The following RHPN2 variants were observed in gnomAD, a reference collection of about 807,000 sequenced individuals.
The protein encoded by RHPN2 is rhophilin-2.
RHPN2 carries 40 observed loss-of-function variants against 79.0 expected under a neutral mutation model. The observed-to-expected ratio is 0.51, with a 90% confidence interval of 0.39 to 0.66. RHPN2 has a LOEUF of 0.66. RHPN2 is among the 30% of genes least tolerant of loss of function. The probability of loss-of-function intolerance (pLI) is 0.00; values close to 1 mark genes in which losing one functional copy is unlikely to be tolerated. For synonymous variants in RHPN2, 285 were observed against 363.5 expected (o/e 0.78, Z 2.46); for missense variants, 686 against 883.5 (o/e 0.78, Z 2.83).
chr19:33,012,878 T>G (rs754183466), intron 4 of RHPN2, among the ~76,000 whole-genome samples, 154 bp from the exon 5 acceptor site: 33 of 152,124 alleles, frequency 2.2e-4, no homozygotes, highest in Non-Finnish European at 4.6e-4. Flanking sequence ...TTTTCTTAAT[T>G]TATGTAGTTT....
At chr19:33,031,286 G>A (rs1356953329) in intron 2 of RHPN2, among the ~76,000 whole-genome samples, 1 of 139,050 alleles carries the variant, frequency 7.2e-6, no homozygotes, top group African/African-American at 2.7e-5. Context: ...TTTGGGAGAG[G>A]GTCTTGTTTT....
chr19:33,003,114 T>TG, intron 7 of RHPN2, 114 bp from the exon 8 acceptor site: 3 of 916,100 alleles, frequency 3.3e-6, no homozygotes, highest in Non-Finnish European at 5.2e-6. Flanking sequence ...ATCCCAACAC[T>TG]TTGGGAGGCC....
At chr19:33,035,002 C>G (rs1337103744) in intron 2 of RHPN2, among the ~76,000 whole-genome samples, 1 of 151,994 alleles carries the variant, frequency 6.6e-6, no homozygotes, top group African/African-American at 2.4e-5. Context: ...GAGTCTTGCT[C>G]TGTCACCCAC....
chr19:33,016,767 C>G (rs1298822003), intron 4 of RHPN2, among the ~76,000 whole-genome samples: 1 of 152,162 alleles, frequency 6.6e-6, no homozygotes, highest in Non-Finnish European at 1.5e-5. Flanking sequence ...ACACACAAGT[C>G]AGATTTGAAA....
At chr19:33,031,075 A>G (rs923325486) in intron 2 of RHPN2, among the ~76,000 whole-genome samples, 3 of 152,162 alleles carry the variant, frequency 2.0e-5, no homozygotes, top group East Asian at 3.9e-4. Context: ...GGAACAGCCA[A>G]TTGGAAGAGG....
At chr19:33,023,399 A>G (rs1187849058) in intron 3 of RHPN2, among the ~76,000 whole-genome samples, 1 of 146,630 alleles carries the variant, frequency 6.8e-6, no homozygotes, top group African/African-American at 2.6e-5. Flanking sequence ...ACGCCACTGC[A>G]CTCCAGGCCT....
intron 2 of RHPN2, among the ~76,000 whole-genome samples, chr19:33,037,619 C>T (rs1972068984): frequency 6.6e-6 from 1 of 151,640 alleles, no homozygotes; most frequent in Non-Finnish European, 1.5e-5. Context: ...GGAACAACTC[C>T]AGACGAACAA....
At chr19:33,026,720 A>G (rs1971971075) in intron 2 of RHPN2, 88 bp from the exon 3 acceptor site, 2 of 1,489,652 alleles carry the variant, frequency 1.3e-6, no homozygotes, top group East Asian at 4.7e-5. Context: ...CCCTGCAGGG[A>G]GGATCAGGGC....
chr19:33,036,456 G>C (rs534938692), intron 2 of RHPN2, among the ~76,000 whole-genome samples: 5 of 152,348 alleles, frequency 3.3e-5, no homozygotes, highest in African/African-American at 1.2e-4. Context: ...CAGTGGGCTA[G>C]TGAGAGGTGA....
intron 14 of RHPN2, among the ~76,000 whole-genome samples, chr19:32,980,837 TTTTTTG>T (rs371187545): frequency 1.3e-5 from 2 of 151,802 alleles, no homozygotes; most frequent in African/African-American, 4.8e-5. Flanking sequence ...TTTTTGTTTG[TTTTTTG>T]TTTTTGTTTT....
At chr19:32,996,885 TA>T (rs1402182990) in intron 10 of RHPN2, among the ~76,000 whole-genome samples, 2 of 151,548 alleles carry the variant, frequency 1.3e-5, no homozygotes, top group East Asian at 3.9e-4. Context: ...ATTAAAATAT[TA>T]TTTTTTTCAT....
At chr19:33,055,770 C>T (rs1972227568) in intron 1 of RHPN2, among the ~76,000 whole-genome samples, 1 of 151,782 alleles carries the variant, frequency 6.6e-6, no homozygotes, top group Non-Finnish European at 1.5e-5. Flanking sequence ...AAAAATTCTC[C>T]TTCCTTCTCT....
intron 2 of RHPN2, among the ~76,000 whole-genome samples, chr19:33,037,600 C>A (rs539088519): frequency 6.6e-6 from 1 of 152,084 alleles, no homozygotes; most frequent in Non-Finnish European, 1.5e-5. Context: ...ACAAACCCAC[C>A]GGGAGGAAGG....
At chr19:33,036,871 CCCCCCCGCCACCCTCT>C (rs1972061319) in intron 2 of RHPN2, among the ~76,000 whole-genome samples, 2 of 118,500 alleles carry the variant, frequency 1.7e-5, no homozygotes, top group South Asian at 4.6e-4. Flanking sequence ...CATGCCTGAG[CCCCCCCGCCACCCTCT>C]GTGGGCTCCT....
chr19:33,035,933 G>A (rs1180695937), intron 2 of RHPN2, among the ~76,000 whole-genome samples: 1 of 152,010 alleles, frequency 6.6e-6, no homozygotes, highest in East Asian at 1.9e-4. Context: ...TGGCTAACAC[G>A]GTGAAAACCT....
intron 6 of RHPN2, among the ~76,000 whole-genome samples, chr19:33,008,417 CTT>C (rs879839119): frequency 6.9e-6 from 1 of 145,798 alleles, no homozygotes. Context: ...CCATACCTGC[CTT>C]TTTTTTTTTT....
chr19:32,990,365 T>C, intron 14 of RHPN2, 149 bp downstream of exon 14: 1 of 838,902 alleles, frequency 1.2e-6, no homozygotes, highest in Non-Finnish European at 2.0e-6. Context: ...GGTGAGCACA[T>C]TACAGTGATT....
At chr19:32,991,500 C>T (rs955089488) in intron 13 of RHPN2, 20 of 351,124 alleles carry the variant, frequency 5.7e-5, no homozygotes, top group Non-Finnish European at 1.0e-4. Flanking sequence ...AGTGTGGTGG[C>T]ACGTGCCTGT....
rs553428413 is a variant in RHPN2, at chr19:33,005,139, C to T, written c.761-2139G>A. 2.6e-4 allele frequency among the ~76,000 whole-genome samples: 40 copies of T among 151,612 alleles called. No individual in the cohort carries two copies. In the South Asian group the frequency reaches 4.8e-3, roughly 18 times the overall value. ...TCAAGAAAGATCTATTCTGGCCAGG[C>T]GTGGTGGCTCATGCCTCTAATCCCA... is the stretch of plus-strand genomic sequence containing the variant. On this transcript the variant is annotated intron_variant, in intron 7 of 14. Coordinates refer to ENST00000254260, the MANE Select transcript of RHPN2 (RefSeq NM_033103.5).
Sources: allele counts gnomAD v4.1 joint callset (sites outside exome capture counted in the v4.1 genomes callset), GRCh38; gene constraint gnomAD v4.1.1; transcripts MANE v1.5; gene names NCBI Gene and HGNC (gene_info 2026-07-23, HGNC 2026-07-21).